MROH2A: variants seen among roughly 807,000 people sequenced by gnomAD.
The protein encoded by MROH2A is maestro heat-like repeat-containing protein family member 2A.
MROH2A carries 174 observed loss-of-function variants against 200.4 expected under a neutral mutation model. The observed-to-expected ratio is 0.87, with a 90% CI of 0.77 to 0.98. MROH2A has a LOEUF of 0.98. MROH2A is among the 50% of genes least tolerant of loss of function. MROH2A has a pLI of 0.00. For missense variants in MROH2A, 2,045 were observed against 2,139.6 expected (o/e 0.96, Z 0.87); for synonymous variants, 829 against 840.4 (o/e 0.99, Z 0.23).
intron 19 of MROH2A, among the ~76,000 whole-genome samples, chr2:233,806,141 G>C (rs1490726266): frequency 4.6e-5 from 7 of 152,082 alleles, no homozygotes. Flanking sequence ...GGAAGAACAT[G>C]TTCTTCCATA....
At position 233,793,804 on chromosome 2, in the gene MROH2A, C is replaced by T. The variant is rs182906572; in HGVS notation, c.802C>T (p.Leu268=). 36 of 1,457,290 alleles carry T rather than the reference C, an allele frequency of 2.5e-5. No homozygotes were observed. The East Asian group carries it at 7.2e-4, about 29-fold the overall frequency. The allele number at this position is 1,457,290 out of a possible 1,614,324, so 90.3% of individuals were successfully genotyped here. A position where few individuals can be genotyped will look rare whatever the true frequency, so the allele number is the denominator to read the frequency against. Residue 268 remains leucine (L), a synonymous_variant, in exon 7 of 42, where the codon CTG becomes TTG. Transcript: ENST00000389758. ...GTATCGCTACTTCGTGACAGTGTGGCTGAGGCACTACAACCCCGAGGTGAG... is the reference window on the plus strand; with the variant it reads ...GTATCGCTACTTCGTGACAGTGTGGTTGAGGCACTACAACCCCGAGGTGAG... ...PMYRYFVTVW[L]RHYNPEVKLG...
intron 3 of MROH2A, among the ~76,000 whole-genome samples, chr2:233,788,719 C>T (rs1365002208): frequency 6.6e-6 from 1 of 151,912 alleles, no homozygotes; most frequent in East Asian, 1.9e-4. Context: ...CGGCAGATCA[C>T]GAGGTCAGGA....
chr2:233,798,053 C>T (rs1206574393), intron 11 of MROH2A, among the ~76,000 whole-genome samples: 1 of 152,124 alleles, frequency 6.6e-6, no homozygotes, highest in Non-Finnish European at 1.5e-5. Context: ...TTCCTTTTTC[C>T]TACTCTGGGG....
chr2:233,833,093 T>C lies in MROH2A; in HGVS notation c.4904-45T>C, dbSNP rs539487423. On this transcript the variant is annotated intron_variant, in intron 41 of 41. Coordinates refer to ENST00000389758, the MANE Select transcript of MROH2A (RefSeq NM_001394639.1). ...GCCCAGGGCATGCAGCATGTGGTCC[T>C]GACTGGGCGGGGCCTGAACCTTCCC... 1.6e-5 allele frequency: 24 copies of C among 1,498,686 alleles called. No individual in the cohort carries two copies. The East Asian group carries it at 4.7e-4, about 29-fold the overall frequency. 92.8% of individuals were successfully genotyped at this position (1,498,686 alleles called of 1,614,324 possible).
chr2:233,798,334 C>T (rs1365869969), intron 11 of MROH2A, among the ~76,000 whole-genome samples: 2 of 152,152 alleles, frequency 1.3e-5, no homozygotes, highest in Non-Finnish European at 2.9e-5. Flanking sequence ...AGAGGGGCTA[C>T]GTAATTCACT....
intron 6 of MROH2A, among the ~76,000 whole-genome samples, chr2:233,793,383 C>T (rs1701903795): frequency 6.6e-6 from 1 of 152,222 alleles, no homozygotes; most frequent in African/African-American, 2.4e-5. Context: ...GTTCACTGCC[C>T]TCTGACCTGG....
intron 14 of MROH2A, among the ~76,000 whole-genome samples, chr2:233,801,090 A>T (rs1005161450): frequency 6.6e-6 from 1 of 152,238 alleles, no homozygotes; most frequent in African/African-American, 2.4e-5. Context: ...GGTAGTTATT[A>T]TCCTGATTTT....
At chr2:233,783,310 T>C (rs1701034918) in intron 3 of MROH2A, among the ~76,000 whole-genome samples, 1 of 152,174 alleles carries the variant, frequency 6.6e-6, no homozygotes, top group Admixed American at 6.5e-5. Context: ...TGCTTTTATT[T>C]AATGTTTGGT....
At chr2:233,805,208 C>G (rs1300871467) in intron 19 of MROH2A, 97 bp downstream of exon 19, 1 of 795,976 alleles carries the variant, frequency 1.3e-6, no homozygotes. Context: ...ATCAGCTGGA[C>G]CTGTGGCTGT....
In MROH2A at chr2:233,807,672, T is replaced by C. The variant is rs971827744; in HGVS notation, c.2173-61T>C. ...TGTGTGTGCCTTGCACGTGTGTGTG[T>C]GGGATCCTCCTCTGCCCACTGGCCC... On this transcript the variant is annotated intron_variant, in intron 20 of 41. Coordinates refer to ENST00000389758, the MANE Select transcript of MROH2A (RefSeq NM_001394639.1). This position sits in a 1 kb window ranked among gnomAD's most constrained non-coding sequence, Gnocchi z 4.3. 6.5e-7 allele frequency: 1 copy of C among 1,549,294 alleles called. No homozygotes were observed. The highest frequency in any genetic ancestry group is 1.4e-5 in the African/African-American group (1 of 73,048).
At chr2:233,788,089 T>C (rs1289559094) in intron 3 of MROH2A, among the ~76,000 whole-genome samples, 1 of 94,016 alleles carries the variant, frequency 1.1e-5, no homozygotes, top group African/African-American at 4.3e-5. Flanking sequence ...ATATTATATA[T>C]ACATATATTA....
chr2:233,797,486 C>G (rs1702190876), intron 11 of MROH2A, among the ~76,000 whole-genome samples: 2 of 152,142 alleles, frequency 1.3e-5, no homozygotes, highest in Admixed American at 1.3e-4. Context: ...TGTAGTCAAT[C>G]CACTTTTTGT....
Position 233,802,186 on chromosome 2 carries a change from C to T in MROH2A, c.1579C>T (p.Leu527=). Residue 527 remains leucine, a synonymous_variant, in exon 15 of 42, where the codon CTG becomes TTG. Coordinates refer to ENST00000389758, the MANE Select transcript of MROH2A (RefSeq NM_001394639.1). ...ACCCCAGGAGTTTTGGGTGAGGCTG[C>T]TGTGCTACATCATGGAGACAGACTA... is the stretch of plus-strand genomic sequence containing the variant. ...GMTTEFWVRL[L]CYIMETDYVE... is the part of the protein sequence containing the mutation. The T allele has an allele frequency of 6.5e-7, 1 of 1,549,644 alleles. No homozygotes were observed. The highest frequency in any genetic ancestry group is 1.4e-5 in the African/African-American group (1 of 73,112).
chr2:233,806,645 G>T (rs1559462248), intron 19 of MROH2A, among the ~76,000 whole-genome samples: 1 of 152,060 alleles, frequency 6.6e-6, no homozygotes, highest in South Asian at 2.1e-4. Context: ...TGGAGAAATT[G>T]GTGCGCTTAG....
chr2:233,782,755 A>G (rs10199512), intron 3 of MROH2A, among the ~76,000 whole-genome samples: 96,296 of 152,068 alleles, frequency 0.63, 30,634 homozygotes, highest in Middle Eastern at 0.73. Context: ...ATTATGTTGA[A>G]GAGCAGTGGT....
chr2:233,818,444 G>A (rs889901552), intron 28 of MROH2A, among the ~76,000 whole-genome samples: 1 of 152,138 alleles, frequency 6.6e-6, no homozygotes, highest in Non-Finnish European at 1.5e-5. Context: ...GTTCAAGGGA[G>A]AGCAGGCCTC....
Position 233,831,716 on chromosome 2 carries a change from G to A in MROH2A, c.4734+176G>A, listed in dbSNP as rs1574626973. 5.3e-5 allele frequency among the ~76,000 whole-genome samples: 8 copies of A among 152,346 alleles called. No homozygotes were observed. The South Asian group carries it at 1.7e-3, about 32-fold the overall frequency. On this transcript the variant is annotated intron_variant, in intron 39 of 41. Transcript: ENST00000389758. Reference sequence around the variant, plus strand: ...GAAGGCAAGTCATGTGCCTATTTCAGCTGTCTGATGTTTCTTTTAGTAGGC... The same window carrying A: ...GAAGGCAAGTCATGTGCCTATTTCAACTGTCTGATGTTTCTTTTAGTAGGC...
Position 233,832,193 on chromosome 2 carries a change from C to G in MROH2A, c.4751C>G (p.Ala1584Gly), listed in dbSNP as rs983674950. ...MCSILTRKKP[A>G]VLYRFLLETM... ...TTTTTGCAGACTCGGAAAAAGCCGG[C>G]TGTTCTCTACCGCTTCTTGCTAGAA... is the stretch of plus-strand genomic sequence containing the variant. Residue 1584 changes from alanine to glycine, a missense_variant, in exon 40 of 42, where the codon GCT becomes GGT. Ala to Gly is a moderately conservative substitution (Grantham distance 60). Around this residue, in one of 3 missense-constraint regions of MROH2A, gnomAD observed 1,201 missense variants for 1,311.3 expected, o/e 0.92. Coordinates refer to ENST00000389758, the MANE Select transcript of MROH2A (RefSeq NM_001394639.1). 1.9e-6 allele frequency: 3 copies of G among 1,550,622 alleles called. No homozygotes were observed. Among genetic ancestry groups the G allele is most frequent in the African/African-American group, 1.4e-5 (1 of 73,182 alleles).
chr2:233,825,399 C>T (rs1164937805), intron 35 of MROH2A, among the ~76,000 whole-genome samples: 1 of 152,072 alleles, frequency 6.6e-6, no homozygotes, highest in Non-Finnish European at 1.5e-5. Context: ...TGTCTTGTGC[C>T]GATTTTCAAA....
Sources: gnomAD v4.1 joint callset for allele counts (sites outside exome capture counted in the v4.1 genomes callset) on GRCh38, gnomAD v4.1.1 for gene constraint, gnomAD v4.1.1 regional missense constraint, Gnocchi (gnomAD v3.1) non-coding constraint, MANE v1.5 for transcripts, NCBI Gene and HGNC (gene_info 2026-07-23, HGNC 2026-07-21) for gene names.